The following PACS1 variants were observed in gnomAD, a reference collection of about 807,000 sequenced individuals.
PACS1 encodes the protein PACS-1.
Under a neutral mutation model 115.0 loss-of-function variants are expected in PACS1, and 24 were observed. That is an observed-to-expected ratio of 0.21 (90% CI 0.15 to 0.29). The LOEUF (loss-of-function observed/expected upper bound fraction) is 0.29. Among genes scored for constraint, PACS1 ranks in the 10% least tolerant of loss-of-function variants. The pLI, the probability that PACS1 is intolerant of heterozygous loss-of-function variation, is 1.00. For synonymous variants in PACS1, 453 were observed against 504.5 expected, an observed-to-expected ratio of 0.90 and a Z score of 1.37; for missense variants, 838 against 1,251.2, an observed-to-expected ratio of 0.67 and a Z score of 4.98.
In PACS1 at chr11:66,186,152, G is replaced by A. The variant is rs141054178; in HGVS notation, c.357-7334G>A. ...TAGCTGGGTGCGGTAGAATGCACCTGTAGTCTCAGCTACTTAGGAGGTTGA... is the reference window on the plus strand; with the variant it reads ...TAGCTGGGTGCGGTAGAATGCACCTATAGTCTCAGCTACTTAGGAGGTTGA... On this transcript the variant is annotated intron_variant, in intron 1 of 23. Coordinates refer to ENST00000320580, the MANE Select transcript of PACS1 (RefSeq NM_018026.4). Among the ~76,000 whole-genome samples the A allele has an allele frequency of 2.7e-3, 410 of 152,024 alleles. 2 individuals carry two copies. Among genetic ancestry groups the A allele is most frequent in the African/African-American group, 9.4e-3 (388 of 41,456 alleles).
At chr11:66,220,825 T>C in intron 9 of PACS1, 34 bp downstream of exon 9, 4 of 1,605,278 alleles carry the variant, frequency 2.5e-6, no homozygotes, top group Non-Finnish European at 3.4e-6. Flanking sequence ...GCCTCCAGAC[T>C]CTCCTTCCTG....
chr11:66,165,527 TCA>T (rs1009066572), intron 1 of PACS1, among the ~76,000 whole-genome samples: 1 of 152,138 alleles, frequency 6.6e-6, no homozygotes, highest in Admixed American at 6.6e-5. Context: ...TAATAGTAAT[TCA>T]GTTTTCTACT....
chr11:66,203,492 GAA>G (rs61030292), intron 2 of PACS1, among the ~76,000 whole-genome samples: 2 of 151,494 alleles, frequency 1.3e-5, no homozygotes, highest in African/African-American at 2.4e-5. Context: ...CACAGAAATA[GAA>G]AAAAAAAATC....
At chr11:66,162,112 GTTTTTTTTTTTTTTT>G (rs58980906) in intron 1 of PACS1, among the ~76,000 whole-genome samples, 2 of 56,320 alleles carry the variant, frequency 3.6e-5, no homozygotes, top group South Asian at 9.2e-4. Context: ...GGTGGTGGTG[GTTTTTTTTTTTTTTT>G]TTTTTTTTTT....
At chr11:66,146,443 G>A (rs1416869328) in intron 1 of PACS1, among the ~76,000 whole-genome samples, 2 of 152,080 alleles carry the variant, frequency 1.3e-5, no homozygotes, top group African/African-American at 4.8e-5. Context: ...GAATTCAACA[G>A]CAGATTTGAG....
intron 10 of PACS1, among the ~76,000 whole-genome samples, chr11:66,225,264 G>A (rs1855448700): frequency 6.6e-6 from 1 of 152,216 alleles, no homozygotes; most frequent in South Asian, 2.1e-4. Context: ...GAGCACAGTG[G>A]TGCAGACTTC....
chr11:66,085,000 T>G (rs1590732963), intron 1 of PACS1, among the ~76,000 whole-genome samples: 2 of 152,228 alleles, frequency 1.3e-5, no homozygotes, highest in African/African-American at 2.4e-5. Flanking sequence ...ATATCCCTAA[T>G]TACTCTGCTG....
intron 1 of PACS1, among the ~76,000 whole-genome samples, chr11:66,123,515 A>T (rs1338686032): frequency 1.4e-5 from 2 of 143,280 alleles, no homozygotes; most frequent in Non-Finnish European, 3.1e-5. Flanking sequence ...TTATTTTTTT[A>T]TTTTATTTAT....
intron 1 of PACS1, among the ~76,000 whole-genome samples, chr11:66,182,007 A>G (rs1213808203): frequency 6.6e-6 from 1 of 152,234 alleles, no homozygotes; most frequent in Non-Finnish European, 1.5e-5. Flanking sequence ...TCACACAGCA[A>G]TTCTATTTTA....
chr11:66,133,932 G>C (rs1858765573), intron 1 of PACS1, among the ~76,000 whole-genome samples: 1 of 152,128 alleles, frequency 6.6e-6, no homozygotes, highest in Non-Finnish European at 1.5e-5. Context: ...TACTTGTCCT[G>C]GCTAAGTGTG....
intron 1 of PACS1, among the ~76,000 whole-genome samples, chr11:66,111,028 A>G (rs1194975471): frequency 6.6e-6 from 1 of 152,234 alleles, no homozygotes; most frequent in Non-Finnish European, 1.5e-5. Context: ...GTGTCACTTA[A>G]GGATGAGAAT....
At position 66,220,726 on chromosome 11, in the gene PACS1, C is replaced by G; in HGVS notation, c.1134C>G (p.Pro378=). 6.2e-7 allele frequency: 1 copy of G among 1,614,148 alleles called. No homozygotes were observed. ...ELYDSLEMYN[P]SDSGPEMEET... ...ATGACAGTCTGGAGATGTACAACCC[C>G]AGCGACAGTGGCCCTGAGATGGAGG... is the stretch of plus-strand genomic sequence containing the variant. Residue 378 remains proline (P), a synonymous_variant, in exon 9 of 24, where the codon CCC becomes CCG. Coordinates refer to ENST00000320580, the MANE Select transcript of PACS1 (RefSeq NM_018026.4).
At chr11:66,232,548 C>G (rs1855618902) in intron 14 of PACS1, among the ~76,000 whole-genome samples, 1 of 152,226 alleles carries the variant, frequency 6.6e-6, no homozygotes, top group African/African-American at 2.4e-5. Context: ...AGTAATTCCT[C>G]CAGGGCGCCA....
At chr11:66,199,878 G>A (rs2134682801) in intron 2 of PACS1, among the ~76,000 whole-genome samples, 1 of 152,132 alleles carries the variant, frequency 6.6e-6, no homozygotes, top group Admixed American at 6.5e-5. Context: ...AATTAGCTGG[G>A]TGTAGTGGCG....
intron 1 of PACS1, among the ~76,000 whole-genome samples, chr11:66,182,900 G>A (rs1409387095): frequency 6.6e-6 from 1 of 152,190 alleles, no homozygotes; most frequent in Non-Finnish European, 1.5e-5. Context: ...AGGAGGTTGA[G>A]GCGGGCAGAT....
intron 1 of PACS1, among the ~76,000 whole-genome samples, chr11:66,116,983 A>C (rs1170762925): frequency 6.6e-6 from 1 of 152,116 alleles, no homozygotes; most frequent in African/African-American, 2.4e-5. Flanking sequence ...TGAATTCAGT[A>C]GGGACAAATG....
At chr11:66,195,811 C>G (rs1413735716) in intron 2 of PACS1, among the ~76,000 whole-genome samples, 1 of 152,168 alleles carries the variant, frequency 6.6e-6, no homozygotes, top group East Asian at 1.9e-4. Context: ...AGACAAAAAT[C>G]CCTGCCTTTA....
At chr11:66,156,639 G>A (rs1386544905) in intron 1 of PACS1, among the ~76,000 whole-genome samples, 2 of 152,076 alleles carry the variant, frequency 1.3e-5, no homozygotes, top group Non-Finnish European at 2.9e-5. Flanking sequence ...CGGATCACAA[G>A]GTCAGGAGAT....
At chr11:66,234,957 G>A (rs1473674298) in intron 17 of PACS1, among the ~76,000 whole-genome samples, 4 of 152,150 alleles carry the variant, frequency 2.6e-5, no homozygotes, top group African/African-American at 9.7e-5. Flanking sequence ...AGGTAGTGAG[G>A]GCCTGGCGCA....
Sources: gnomAD v4.1 joint callset for allele counts (sites outside exome capture counted in the v4.1 genomes callset) on GRCh38, gnomAD v4.1.1 for gene constraint, MANE v1.5 for transcripts, NCBI Gene and HGNC (gene_info 2026-07-23, HGNC 2026-07-21) for gene names.